The following NAXD variants were observed in gnomAD, a reference collection of about 807,000 sequenced individuals.
NAXD encodes ATP-dependent (S)-NAD(P)H-hydrate dehydratase.
NAXD carries 22 observed loss-of-function variants against 35.8 expected under a neutral mutation model. The observed-to-expected ratio is 0.62, with a 90% confidence interval of 0.44 to 0.88. The LOEUF (loss-of-function observed/expected upper bound fraction) is 0.88. Ranked by LOEUF, NAXD falls within the 40% of genes least tolerant of loss-of-function variation. NAXD has a pLI of 0.00. For synonymous variants in NAXD, 189 were observed against 177.6 expected, an observed-to-expected ratio of 1.06 and a Z score of -0.51; for missense variants, 428 against 437.7, an observed-to-expected ratio of 0.98 and a Z score of 0.20.
At chr13:110,620,211 A>C (rs536348617) in intron 1 of NAXD, among the ~76,000 whole-genome samples, 5 of 152,068 alleles carry the variant, frequency 3.3e-5, no homozygotes, top group Non-Finnish European at 7.4e-5. Flanking sequence ...AGCAAGCTTC[A>C]TTGTGTCTCT....
At position 110,638,297 on chromosome 13, in the gene NAXD, A is replaced by C; in HGVS notation, c.840-81A>C. ...GGGTCCTGAGATTGAAACAGGAGTC[A>C]AAACCAGAGCCCAGGGTAGCTGCGG... On this transcript the variant is annotated intron_variant, in intron 9 of 9. Coordinates refer to ENST00000680254, the MANE Select transcript of NAXD (RefSeq NM_001242882.2). The surrounding 1 kb of genome is among the most constrained non-coding windows in gnomAD (Gnocchi z 5.4). 1 of 1,607,748 alleles carries C rather than the reference A, an allele frequency of 6.2e-7. No homozygotes were observed.
intron 5 of NAXD, among the ~76,000 whole-genome samples, chr13:110,633,025 G>A (rs922683281): frequency 8.5e-5 from 13 of 152,230 alleles, no homozygotes; most frequent in Admixed American, 2.6e-4. Context: ...TGCGCCGTGC[G>A]TTCGCATTCC....
chr13:110,632,273 C>G (rs1309785219), intron 5 of NAXD, among the ~76,000 whole-genome samples: 2 of 152,068 alleles, frequency 1.3e-5, no homozygotes, highest in South Asian at 2.1e-4. Flanking sequence ...GTCTCGCTGG[C>G]TTCAGGAGTG....
intron 5 of NAXD, among the ~76,000 whole-genome samples, chr13:110,632,936 C>T (rs1228989659): frequency 6.6e-6 from 1 of 152,186 alleles, no homozygotes; most frequent in East Asian, 1.9e-4. Flanking sequence ...TCTCCACATC[C>T]CCACCAGACT....
At position 110,638,537 on chromosome 13, in the gene NAXD, A is replaced by G. The variant is rs1437843403; in HGVS notation, c.*9A>G. 6.2e-7 allele frequency: 1 copy of G among 1,610,910 alleles called. No individual in the cohort carries two copies. The highest frequency in any genetic ancestry group is 1.3e-5 in the African/African-American group (1 of 74,902). ...AGCTCTTTGAAACCTGAGCCCGCGC[A>G]GACCAGAAGTAAACAGGCACCTTGG... On this transcript the variant is annotated 3_prime_UTR_variant, in exon 10 of 10. Coordinates refer to ENST00000680254, the MANE Select transcript of NAXD (RefSeq NM_001242882.2). This position sits in a 1 kb window ranked among gnomAD's most constrained non-coding sequence, Gnocchi z 5.4.
intron 9 of NAXD, 79 bp downstream of exon 9, chr13:110,637,328 A>G: frequency 6.5e-7 from 1 of 1,528,956 alleles, no homozygotes; most frequent in South Asian, 1.1e-5. Flanking sequence ...TGCGTTGAAT[A>G]AGTAGCCCTG....
chr13:110,615,817 GCGC>G, intron 1 of NAXD, 170 bp downstream of exon 1: 1 of 1,288,722 alleles, frequency 7.8e-7, no homozygotes, highest in Non-Finnish European at 9.8e-7. Flanking sequence ...CGGGGGGGAA[GCGC>G]CGCCGAGGGG....
chr13:110,625,797 G>A (rs1374400959), intron 4 of NAXD, among the ~76,000 whole-genome samples: 2 of 152,258 alleles, frequency 1.3e-5, no homozygotes, highest in Non-Finnish European at 2.9e-5. Context: ...GTGGCTGGGA[G>A]GTGCGGGAGC....
chr13:110,626,976 T>C (rs191437473), intron 4 of NAXD, among the ~76,000 whole-genome samples: 5 of 152,342 alleles, frequency 3.3e-5, no homozygotes, highest in Admixed American at 3.3e-4. Flanking sequence ...GGGCTAACTT[T>C]AGAGGGCAAA....
chr13:110,615,746 C>CG (rs769474896), intron 1 of NAXD, 99 bp downstream of exon 1: 1 of 1,472,982 alleles, frequency 6.8e-7, no homozygotes, highest in Non-Finnish European at 9.0e-7. Flanking sequence ...CGGCCGCACT[C>CG]GCGCTGTACG....
At chr13:110,615,845 G>GCT in intron 1 of NAXD, 198 bp downstream of exon 1, 1 of 1,244,104 alleles carries the variant, frequency 8.0e-7, no homozygotes, top group Non-Finnish European at 1.0e-6. Flanking sequence ...CCGCGCGCGG[G>GCT]GCCGGGGCGC....
chr13:110,625,094 C>A, intron 3 of NAXD, 96 bp from the exon 4 acceptor site: 1 of 896,002 alleles, frequency 1.1e-6, no homozygotes, highest in Non-Finnish European at 1.8e-6. Flanking sequence ...ATGCACGTCA[C>A]CAGGGCTGAG....
In NAXD at chr13:110,628,953, T is replaced by C. The variant is rs1886603165; in HGVS notation, c.441+1406T>C. 1.3e-5 allele frequency among the ~76,000 whole-genome samples: 2 copies of C among 150,558 alleles called. No individual in the cohort carries two copies. The highest frequency in any genetic ancestry group is 1.9e-4 in the East Asian group (1 of 5,184). On this transcript the variant is annotated intron_variant, in intron 5 of 9. Transcript: ENST00000680254. The surrounding 1 kb of genome is among the most constrained non-coding windows in gnomAD (Gnocchi z 4.1). Reference sequence around the variant, plus strand: ...AAAACCACTGTACTGCGTGGAAGTGTGAAAGGTGGGAAGTGAGGGTGTGCG... The same window carrying C: ...AAAACCACTGTACTGCGTGGAAGTGCGAAAGGTGGGAAGTGAGGGTGTGCG...
chr13:110,631,393 C>T (rs1324824389), intron 5 of NAXD, among the ~76,000 whole-genome samples: 1 of 152,142 alleles, frequency 6.6e-6, no homozygotes, highest in Admixed American at 6.5e-5. Flanking sequence ...GGTGAAGTTC[C>T]ATTGCTGAAT....
intron 3 of NAXD, 143 bp from the exon 4 acceptor site, chr13:110,625,047 C>A: frequency 1.6e-6 from 1 of 629,418 alleles, no homozygotes. Flanking sequence ...TTTGCTAAGC[C>A]ACCTGGCTGG....
intron 2 of NAXD, among the ~76,000 whole-genome samples, chr13:110,623,244 T>C (rs61970483): frequency 0.11 from 17,045 of 152,270 alleles, 1,058 homozygotes; most frequent in Middle Eastern, 0.16. Context: ...GACACCGCTT[T>C]GCAGGAGAAG....
intron 1 of NAXD, 175 bp downstream of exon 1, chr13:110,615,822 G>T: frequency 1.6e-6 from 2 of 1,280,930 alleles, no homozygotes; most frequent in Non-Finnish European, 2.0e-6. Context: ...GGGAAGCGCC[G>T]CCGAGGGGCA....
chr13:110,637,213 A>G lies in NAXD; in HGVS notation c.803A>G (p.His268Arg). The G allele has an allele frequency of 6.2e-7, 1 of 1,614,042 alleles. No homozygotes were observed. Among genetic ancestry groups the G allele is most frequent in the Non-Finnish European group, 8.5e-7 (1 of 1,179,940 alleles). The change falls in exon 9 of 10, where the codon CAC (histidine) becomes CGC (arginine). Residue 268 changes from histidine (H) to arginine (R), a missense_variant. Physicochemically the swap from His to Arg is conservative, Grantham distance 29 (BLOSUM62 0). Coordinates refer to ENST00000680254, the MANE Select transcript of NAXD (RefSeq NM_001242882.2). ...TCGGGCTCCCTGGGCGTCCTGGTAC[A>G]CTGGGCGCTCCTTGCTGGACCACAG... The part of the protein sequence containing the change: ...LLSGSLGVLV[H>R]WALLAGPQKT...
intron 4 of NAXD, among the ~76,000 whole-genome samples, chr13:110,626,182 G>C (rs1447856146): frequency 1.3e-5 from 2 of 152,076 alleles, no homozygotes; most frequent in Non-Finnish European, 2.9e-5. Flanking sequence ...GCTCCTACGC[G>C]GCTGTGGGGC....
Sources: allele counts gnomAD v4.1 joint callset (sites outside exome capture counted in the v4.1 genomes callset), GRCh38; gene constraint gnomAD v4.1.1; non-coding constraint Gnocchi (gnomAD v3.1); transcripts MANE v1.5; gene names NCBI Gene and HGNC (gene_info 2026-07-23, HGNC 2026-07-21).